Variants in AGO3 observed in about 807,000 individuals in gnomAD.
The protein encoded by AGO3 is argonaute RISC catalytic component 3.
A neutral mutation model predicts 105.5 loss-of-function variants in AGO3; 16 were observed. The observed-to-expected ratio is 0.15, with a 90% CI of 0.10 to 0.23. AGO3 has a LOEUF of 0.23. Ranked by LOEUF, AGO3 falls within the 10% of genes least tolerant of loss-of-function variation. The pLI, the probability that AGO3 is intolerant of heterozygous loss-of-function variation, is 1.00. For missense variants in AGO3, 534 were observed against 1,088.0 expected (o/e 0.49, Z 7.16); for synonymous variants, 340 against 367.3 (o/e 0.93, Z 0.85).
intron 5 of AGO3, among the ~76,000 whole-genome samples, chr1:35,985,932 A>C (rs1647164906): frequency 1.3e-5 from 2 of 152,272 alleles, no homozygotes; most frequent in South Asian, 2.1e-4. Context: ...GCCAGTAAAC[A>C]CATGAAAAGA....
intron 2 of AGO3, among the ~76,000 whole-genome samples, chr1:35,947,640 T>A (rs757963103): frequency 6.6e-6 from 1 of 152,162 alleles, no homozygotes; most frequent in Non-Finnish European, 1.5e-5. Flanking sequence ...GAAAACTGGA[T>A]GTTCTAGAGG....
chr1:35,994,902 C>G (rs1648126080), intron 5 of AGO3, among the ~76,000 whole-genome samples: 1 of 152,056 alleles, frequency 6.6e-6, no homozygotes. Flanking sequence ...GAATTTCATT[C>G]TCCCCAAATT....
rs901910267 is a variant in AGO3 at position 35,975,620 on chromosome 1, C to T, written c.658+2109C>T. Among the ~76,000 whole-genome samples the T allele has an allele frequency of 3.3e-5, 5 of 152,126 alleles. No individual in the cohort carries two copies. The South Asian group carries it at 8.3e-4, about 25-fold the overall frequency. On this transcript the variant is annotated intron_variant, in intron 5 of 18. Transcript: ENST00000373191. ...TGTGCACACATACATATGTATTGGT[C>T]AGTCATTTCTTTTATGACTTTTAAT...
At position 36,009,491 on chromosome 1, in the gene AGO3, C is replaced by T. The variant is rs770280779; in HGVS notation, c.1046C>T (p.Ala349Val). Residue 349 changes from alanine to valine, a missense_variant, in exon 9 of 19, where the codon GCA becomes GTA. Ala to Val is a moderately conservative substitution (Grantham distance 64). Transcript: ENST00000373191. Reference protein sequence around the residue: ...YLPLEVCNIVAGQRCIKKLTD... With the variant: ...YLPLEVCNIVVGQRCIKKLTD... ...CATTTGTAGGTCTGTAATATTGTGG[C>T]AGGGCAACGATGTATCAAGAAGCTA... is the stretch of plus-strand genomic sequence containing the variant. The T allele has an allele frequency of 1.9e-6, 3 of 1,612,724 alleles. No individual in the cohort carries two copies. Among genetic ancestry groups the T allele is most frequent in the Non-Finnish European group, 2.5e-6 (3 of 1,179,496 alleles).
In AGO3 at chr1:36,012,100, C is replaced by A. The variant is rs1031577965; in HGVS notation, c.1150-1530C>A. 2.0e-5 allele frequency among the ~76,000 whole-genome samples: 3 copies of A among 151,766 alleles called. No homozygotes were observed. In the South Asian group the frequency reaches 6.2e-4, roughly 31 times the overall value. ...CTGTAACCCCATCACTTTGGGAGGC[C>A]GAGGCAGGACTATCAGTTGAGCCCA... On this transcript the variant is annotated intron_variant, in intron 9 of 18. Coordinates refer to ENST00000373191, the MANE Select transcript of AGO3 (RefSeq NM_024852.4).
At chr1:36,007,799 G>T (rs570590663) in intron 6 of AGO3, among the ~76,000 whole-genome samples, 80 of 152,156 alleles carry the variant, frequency 5.3e-4, no homozygotes, top group African/African-American at 1.8e-3. Flanking sequence ...TAGCATAAAT[G>T]TAGAACATTC....
At chr1:36,015,672 T>C (rs1428851648) in intron 11 of AGO3, among the ~76,000 whole-genome samples, 2 of 152,222 alleles carry the variant, frequency 1.3e-5, no homozygotes, top group African/African-American at 4.8e-5. Flanking sequence ...GGCCAACAAA[T>C]GCATATTTCA....
intron 5 of AGO3, among the ~76,000 whole-genome samples, chr1:35,993,572 G>T (rs1156880889): frequency 6.6e-6 from 1 of 151,928 alleles, no homozygotes; most frequent in East Asian, 1.9e-4. Flanking sequence ...AAAGAAGCCT[G>T]AATAGCCCTA....
chr1:35,950,018 C>A (rs1259567874), intron 2 of AGO3, among the ~76,000 whole-genome samples: 1 of 152,110 alleles, frequency 6.6e-6, no homozygotes, highest in African/African-American at 2.4e-5. Flanking sequence ...GTCAGGAGAT[C>A]GAGACCATCC....
At chr1:35,930,772 T>A (rs1646023984), upstream of AGO3, 1 of 155,696 alleles carries the variant, frequency 6.4e-6, no homozygotes, top group African/African-American at 2.4e-5. Context: ...CCGCGGCAGT[T>A]CGGGGTCCTT....
chr1:35,946,161 T>TAGGTA (rs1056618447), intron 2 of AGO3, among the ~76,000 whole-genome samples: 58 of 152,318 alleles, frequency 3.8e-4, no homozygotes, highest in Middle Eastern at 6.8e-3. Context: ...TCCTTGCTGT[T>TAGGTA]AGGTAATATG....
chr1:36,006,411 C>CAT (rs142357827), intron 6 of AGO3, among the ~76,000 whole-genome samples: 1,591 of 151,606 alleles, frequency 0.01, 30 homozygotes, highest in African/African-American at 0.036. Context: ...GTATAAGTAC[C>CAT]ATATATATAT....
intron 12 of AGO3, among the ~76,000 whole-genome samples, chr1:36,031,744 G>A (rs938488869): frequency 6.6e-6 from 1 of 152,088 alleles, no homozygotes; most frequent in African/African-American, 2.4e-5. Flanking sequence ...CCGCTTCCAT[G>A]AATTTGACTA....
chr1:36,048,551 C>T (rs1354298899), intron 17 of AGO3, among the ~76,000 whole-genome samples: 1 of 151,932 alleles, frequency 6.6e-6, no homozygotes, highest in East Asian at 1.9e-4. Flanking sequence ...CAGAAAACCA[C>T]CAACCCACCA....
Position 36,040,307 on chromosome 1 carries a change from G to T in AGO3, c.2038G>T (p.Val680Leu). The T allele has an allele frequency of 6.2e-7, 1 of 1,612,358 alleles. No homozygotes were observed. The highest frequency in any genetic ancestry group is 8.5e-7 in the Non-Finnish European group (1 of 1,178,736). The change falls in exon 16 of 19, where the codon GTA becomes TTA. Residue 680 changes from valine (V) to leucine (L), a missense_variant and splice_region_variant. This residue lies in a region of AGO3 where 373 missense variants were observed against 854.0 expected (regional missense o/e 0.44). Coordinates refer to ENST00000373191, the MANE Select transcript of AGO3 (RefSeq NM_024852.4). ...DGVSEGQFRQ[V>L]LYYELLAIRE... ...AATCTTTCCATTTCATATTCTCTAG[G>T]TATTATATTATGAACTACTAGCAAT... is the stretch of plus-strand genomic sequence containing the variant.
At chr1:35,982,660 AG>A (rs1448571477) in intron 5 of AGO3, 1 of 717,270 alleles carries the variant, frequency 1.4e-6, no homozygotes, top group Non-Finnish European at 2.6e-6. Flanking sequence ...TAGATAGAGG[AG>A]AAAAAACTAA....
At chr1:35,976,691 A>C (rs1204720267) in intron 5 of AGO3, among the ~76,000 whole-genome samples, 2 of 152,176 alleles carry the variant, frequency 1.3e-5, no homozygotes, top group Non-Finnish European at 2.9e-5. Context: ...TATGGAGCTG[A>C]TGATGTGATA....
At chr1:36,031,907 G>C (rs1165303285) in intron 12 of AGO3, among the ~76,000 whole-genome samples, 1 of 150,404 alleles carries the variant, frequency 6.6e-6, no homozygotes, top group Non-Finnish European at 1.5e-5. Flanking sequence ...TGGGGGGGCG[G>C]GGGGTGTGTG....
At chr1:35,963,768 A>G (rs1259476710) in intron 2 of AGO3, among the ~76,000 whole-genome samples, 2 of 152,186 alleles carry the variant, frequency 1.3e-5, no homozygotes, top group African/African-American at 4.8e-5. Context: ...TCGGGAATGG[A>G]AAGTAAAGGA....
Sources: gnomAD v4.1 joint callset for allele counts (sites outside exome capture counted in the v4.1 genomes callset) on GRCh38, gnomAD v4.1.1 for gene constraint, gnomAD v4.1.1 regional missense constraint, MANE v1.5 for transcripts, NCBI Gene and HGNC (gene_info 2026-07-23, HGNC 2026-07-21) for gene names.